The following ANKRD17 variants were observed in gnomAD, a reference collection of about 807,000 sequenced individuals.
ANKRD17 encodes ankyrin repeat domain-containing protein 17.
A neutral mutation model predicts 229.7 loss-of-function variants in ANKRD17; 19 were observed. The observed-to-expected ratio is 0.08, with a 90% CI of 0.06 to 0.12. The LOEUF is 0.12. Ranked by LOEUF, ANKRD17 falls within the 10% of genes least tolerant of loss-of-function variation. The probability of loss-of-function intolerance (pLI) is 1.00; values close to 1 mark genes in which losing one functional copy is unlikely to be tolerated. For synonymous variants in ANKRD17, 1,112 were observed against 1,146.1 expected, an observed-to-expected ratio of 0.97 and a Z score of 0.60; for missense variants, 2,176 against 3,176.8, an observed-to-expected ratio of 0.68 and a Z score of 7.57.
At chr4:73,165,763 CAAG>C (rs754318438) in intron 2 of ANKRD17, among the ~76,000 whole-genome samples, 2 of 152,162 alleles carry the variant, frequency 1.3e-5, no homozygotes, top group African/African-American at 2.4e-5. Flanking sequence ...ATTAAAAGCA[CAAG>C]AAGGATTCTA....
chr4:73,163,911 T>A (rs1366236166), intron 2 of ANKRD17, among the ~76,000 whole-genome samples: 1 of 152,152 alleles, frequency 6.6e-6, no homozygotes, highest in African/African-American at 2.4e-5. Flanking sequence ...CAAAAATAAA[T>A]CTGCCAAGAA....
At chr4:73,234,397 G>C (rs1743326489) in intron 1 of ANKRD17, among the ~76,000 whole-genome samples, 1 of 152,108 alleles carries the variant, frequency 6.6e-6, no homozygotes, top group Non-Finnish European at 1.5e-5. Flanking sequence ...GCTGAGGTTG[G>C]TTGTTCTTTT....
Position 73,178,789 on chromosome 4 carries a change from G to C in ANKRD17, c.394-1256C>G, listed in dbSNP as rs992981205. On this transcript the variant is annotated intron_variant, in intron 1 of 33. Coordinates refer to ENST00000358602, the MANE Select transcript of ANKRD17 (RefSeq NM_032217.5). Reference sequence around the variant, plus strand: ...GAAAATAACAAACTCCTAAGACAGGGGTAAAGTTTTGTTTTGATATTCCCT... The same window carrying C: ...GAAAATAACAAACTCCTAAGACAGGCGTAAAGTTTTGTTTTGATATTCCCT... Among the ~76,000 whole-genome samples the C allele has an allele frequency of 2.0e-5, 3 of 151,866 alleles. No individual in the cohort carries two copies. In the East Asian group the frequency reaches 5.8e-4, roughly 29 times the overall value.
chr4:73,078,013 G>A (rs957256081), intron 31 of ANKRD17, among the ~76,000 whole-genome samples: 9 of 152,226 alleles, frequency 5.9e-5, no homozygotes, highest in African/African-American at 2.4e-5. Context: ...ACTTTGGGAG[G>A]CTGAGGTGGG....
intron 1 of ANKRD17, among the ~76,000 whole-genome samples, chr4:73,192,360 A>G (rs143688724): frequency 1.8e-4 from 27 of 152,200 alleles, no homozygotes; most frequent in African/African-American, 6.5e-4. Context: ...AAAAACAAAA[A>G]CAAAAACAAA....
intron 7 of ANKRD17, 36 bp from the exon 8 acceptor site, chr4:73,149,086 C>G (rs1247769989): frequency 6.4e-7 from 1 of 1,564,894 alleles, no homozygotes; most frequent in Non-Finnish European, 8.7e-7. Context: ...TAAATCAGCA[C>G]CATTAAAAAA....
intron 25 of ANKRD17, 96 bp from the exon 26 acceptor site, chr4:73,098,616 A>G (rs954334088): frequency 9.0e-7 from 1 of 1,107,276 alleles, no homozygotes; most frequent in Admixed American, 2.5e-5. Context: ...CAGGAGAGAT[A>G]CTCTACTACT....
intron 2 of ANKRD17, among the ~76,000 whole-genome samples, chr4:73,172,429 A>G (rs1021231635): frequency 2.6e-5 from 4 of 152,230 alleles, no homozygotes; most frequent in Admixed American, 2.0e-4. Flanking sequence ...AGATTTCTTT[A>G]ATCAGAAAGA....
intron 1 of ANKRD17, among the ~76,000 whole-genome samples, chr4:73,235,527 T>C (rs373606690): frequency 3.3e-5 from 5 of 152,352 alleles, no homozygotes; most frequent in African/African-American, 1.2e-4. Flanking sequence ...GTTCCCGCTT[T>C]TCAGAATTAT....
chr4:73,094,682 C>T (rs1307326649), intron 27 of ANKRD17, among the ~76,000 whole-genome samples: 2 of 149,092 alleles, frequency 1.3e-5, no homozygotes, highest in East Asian at 3.9e-4. Flanking sequence ...TATATATAGA[C>T]ATATATATGT....
chr4:73,143,003 T>C (rs1439155839), intron 11 of ANKRD17, among the ~76,000 whole-genome samples: 1 of 152,164 alleles, frequency 6.6e-6, no homozygotes, highest in Admixed American at 6.5e-5. Flanking sequence ...AAACACGATA[T>C]AATTTGAAAA....
At chr4:73,210,036 C>T (rs1470312529) in intron 1 of ANKRD17, among the ~76,000 whole-genome samples, 1 of 152,060 alleles carries the variant, frequency 6.6e-6, no homozygotes, top group Non-Finnish European at 1.5e-5. Context: ...AGAAACAAGG[C>T]AAAGAAGCCC....
intron 27 of ANKRD17, 107 bp from the exon 28 acceptor site, chr4:73,094,335 A>G (rs914013332): frequency 2.8e-5 from 28 of 1,008,540 alleles, no homozygotes; most frequent in Non-Finnish European, 3.9e-5. Context: ...TAAATACAGA[A>G]TATTGTTGAA....
At chr4:73,087,093 C>T (rs1722280734) in intron 29 of ANKRD17, among the ~76,000 whole-genome samples, 1 of 149,310 alleles carries the variant, frequency 6.7e-6, no homozygotes, top group South Asian at 2.1e-4. Context: ...ACAGCCAATA[C>T]TGGAACAATT....
intron 1 of ANKRD17, among the ~76,000 whole-genome samples, chr4:73,215,062 T>C (rs1347529530): frequency 2.0e-5 from 3 of 152,114 alleles, no homozygotes; most frequent in Non-Finnish European, 4.4e-5. Context: ...CATACTATAA[T>C]TATTCACTAA....
chr4:73,123,464 G>T (rs186544772), intron 18 of ANKRD17, among the ~76,000 whole-genome samples: 1 of 152,044 alleles, frequency 6.6e-6, no homozygotes, highest in African/African-American at 2.4e-5. Flanking sequence ...AAACAGTAGG[G>T]ACAGGCCAGG....
rs140531351 is a variant in ANKRD17, at chr4:73,190,554, A to C, written c.394-13021T>G. 5.7e-3 allele frequency among the ~76,000 whole-genome samples: 869 copies of C among 151,246 alleles called. 6 individuals are homozygous for C. The highest frequency in any genetic ancestry group is 0.017 in the African/African-American group (711 of 41,316). Reference sequence around the variant, plus strand: ...AACAAAACAAATGTCCTCCAAAAAAAAAAACAAAACAAAAAAAAAACAAAA... The same window carrying C: ...AACAAAACAAATGTCCTCCAAAAAACAAAACAAAACAAAAAAAAAACAAAA... On this transcript the variant is annotated intron_variant, in intron 1 of 33. Coordinates refer to ENST00000358602, the MANE Select transcript of ANKRD17 (RefSeq NM_032217.5).
intron 32 of ANKRD17, 74 bp downstream of exon 32, chr4:73,077,281 A>G: frequency 7.0e-7 from 1 of 1,430,708 alleles, no homozygotes; most frequent in Non-Finnish European, 9.4e-7. Context: ...TAGATTATAC[A>G]TATGCCTACT....
chr4:73,245,701 C>G (rs1031060070), intron 1 of ANKRD17, among the ~76,000 whole-genome samples: 1 of 152,158 alleles, frequency 6.6e-6, no homozygotes, highest in Non-Finnish European at 1.5e-5. Context: ...TAAACCCTTA[C>G]TGATACATCA....
Sources: allele counts gnomAD v4.1 joint callset (sites outside exome capture counted in the v4.1 genomes callset), GRCh38; gene constraint gnomAD v4.1.1; transcripts MANE v1.5; gene names NCBI Gene and HGNC (gene_info 2026-07-23, HGNC 2026-07-21).